HERPUD1: variants seen among roughly 807,000 people sequenced by gnomAD.
The protein encoded by HERPUD1 is homocysteine inducible ER protein with ubiquitin like domain 1.
HERPUD1 carries 17 observed loss-of-function variants against 45.0 expected under a neutral mutation model. The ratio of observed to expected loss-of-function variants is 0.38; its 90% CI spans 0.26 to 0.57. The LOEUF is 0.57. Ranked by LOEUF, HERPUD1 falls within the 20% of genes least tolerant of loss-of-function variation. The pLI is 0.72. For synonymous variants in HERPUD1, 164 were observed against 177.5 expected (o/e 0.92, Z 0.61); for missense variants, 420 against 490.5 (o/e 0.86, Z 1.36).
intron 4 of HERPUD1, among the ~76,000 whole-genome samples, chr16:56,938,774 C>A (rs1183977589): frequency 6.6e-6 from 1 of 152,102 alleles, no homozygotes; most frequent in Non-Finnish European, 1.5e-5. Flanking sequence ...GGTGATACCA[C>A]ATGCACACTT....
intron 5 of HERPUD1, 110 bp downstream of exon 5, chr16:56,939,469 A>G: frequency 7.4e-7 from 1 of 1,359,386 alleles, no homozygotes; most frequent in Non-Finnish European, 1.0e-6. Context: ...TATTTTCATC[A>G]GTCTGCAGAG....
rs2055930014 is a variant in HERPUD1, at chr16:56,943,718, C to G, written c.*428C>G. 3 of 258,590 alleles carry G rather than the reference C, an allele frequency of 1.2e-5. No individual in the cohort carries two copies. The highest frequency in any genetic ancestry group is 6.5e-5 in the African/African-American group (3 of 46,340). 16.0% of individuals were successfully genotyped at this position (258,590 alleles called of 1,614,324 possible). ...CACTAAGTGTACTACTTTATATAAT[C>G]AATGAAATTGCTAGACATGTTTTAG... On this transcript the variant is annotated 3_prime_UTR_variant, in exon 8 of 8. Transcript: ENST00000439977.
Position 56,944,334 on chromosome 16 carries a change from T to G in HERPUD1, c.*1044T>G, listed in dbSNP as rs1317618715. The G allele has an allele frequency of 6.6e-6, 1 of 152,236 alleles. No individual in the cohort carries two copies. The highest frequency in any genetic ancestry group is 2.4e-5 in the African/African-American group (1 of 41,468). The allele number at this position is 152,236 out of a possible 1,614,324, so 9.4% of individuals were successfully genotyped here. A position where few individuals can be genotyped will look rare whatever the true frequency, so the allele number is the denominator to read the frequency against. On this transcript the variant is annotated 3_prime_UTR_variant, in exon 8 of 8. Coordinates refer to ENST00000439977, the MANE Select transcript of HERPUD1 (RefSeq NM_014685.4). ...AATTTAAATTTAGTAAATTTAGTGG[T>G]TTCACCTTGGCAAATCTGCAATAGT...
At position 56,943,636 on chromosome 16, in the gene HERPUD1, T is replaced by C. The variant is rs528904226; in HGVS notation, c.*346T>C. ...CATGTGTGTTTGTACATAGAAGTCATAGATGCAGAAGTGGTTCTGCTGGTA... is the reference window on the plus strand; with the variant it reads ...CATGTGTGTTTGTACATAGAAGTCACAGATGCAGAAGTGGTTCTGCTGGTA... On this transcript the variant is annotated 3_prime_UTR_variant, in exon 8 of 8. Coordinates refer to ENST00000439977, the MANE Select transcript of HERPUD1 (RefSeq NM_014685.4). 89 of 423,620 alleles carry C rather than the reference T, an allele frequency of 2.1e-4. No homozygotes were observed. Among genetic ancestry groups the C allele is most frequent in the African/African-American group, 1.7e-3 (88 of 51,018 alleles). 26.2% of individuals were successfully genotyped at this position (423,620 alleles called of 1,614,324 possible).
chr16:56,942,899 G>T (rs564048335), intron 7 of HERPUD1, among the ~76,000 whole-genome samples: 1 of 152,210 alleles, frequency 6.6e-6, no homozygotes, highest in South Asian at 2.1e-4. Flanking sequence ...TTTGCTGCCA[G>T]GAGCAGTCAA....
Position 56,939,256 on chromosome 16 carries a change from G to C in HERPUD1, c.451G>C (p.Ala151Pro). 1 of 1,614,206 alleles carries C rather than the reference G, an allele frequency of 6.2e-7. No individual in the cohort carries two copies. Among genetic ancestry groups the C allele is most frequent in the African/African-American group, 1.3e-5 (1 of 75,080 alleles). The change falls in exon 5 of 8, where the codon GCA becomes CCA. Residue 151 changes from alanine (A) to proline (P), a missense_variant. By Grantham distance (27) the Ala-to-Pro change is conservative. Transcript: ENST00000439977. ...NISRPEAAQQ[A>P]FQGLGPGFSG... ...GTATAGGCCTGAAGCTGCCCAGCAG[G>C]CATTCCAAGGCCTGGGTCCTGGTTT...
chr16:56,936,099 A>G (rs895673968), intron 3 of HERPUD1: 2 of 153,162 alleles, frequency 1.3e-5, no homozygotes, highest in Admixed American at 6.5e-5. Flanking sequence ...TTCATTTCAC[A>G]ATGTTTATTC....
At chr16:56,932,942 C>T (rs1339379667) in intron 1 of HERPUD1, among the ~76,000 whole-genome samples, 1 of 152,208 alleles carries the variant, frequency 6.6e-6, no homozygotes, top group African/African-American at 2.4e-5. Flanking sequence ...GGTGGAGCCC[C>T]GTGCACTTTC....
chr16:56,938,521 C>T (rs1356545726), intron 4 of HERPUD1, among the ~76,000 whole-genome samples: 2 of 150,754 alleles, frequency 1.3e-5, no homozygotes, highest in African/African-American at 4.9e-5. Context: ...CGAGATTGCG[C>T]CATTGCACTC....
At chr16:56,932,984 A>G (rs1217841423) in intron 1 of HERPUD1, among the ~76,000 whole-genome samples, 1 of 152,244 alleles carries the variant, frequency 6.6e-6, no homozygotes, top group Non-Finnish European at 1.5e-5. Context: ...GGAAGCAGGC[A>G]GGAGTCGCCT....
rs376320735 is a variant in HERPUD1 at position 56,932,143 on chromosome 16, C to T, written c.-102C>T. ...AAGGCGCCCGAAGCGGGGGCGCGCG[C>T]CCCAGAGACGTGAACTGTCGTTGCA... On this transcript the variant is annotated 5_prime_UTR_variant, in exon 1 of 8. Coordinates refer to ENST00000439977, the MANE Select transcript of HERPUD1 (RefSeq NM_014685.4). The T allele has an allele frequency of 3.2e-6, 5 of 1,541,172 alleles. No individual in the cohort carries two copies. The highest frequency in any genetic ancestry group is 2.4e-5 in the South Asian group (2 of 84,618).
rs767109510 is a variant in HERPUD1, at chr16:56,940,210, C to A, written c.870C>A (p.Phe290Leu). The change falls in exon 6 of 8, where the codon TTC becomes TTA. Residue 290 changes from phenylalanine to leucine, a missense_variant. Coordinates refer to ENST00000439977, the MANE Select transcript of HERPUD1 (RefSeq NM_014685.4). The stretch of plus-strand genomic sequence containing the variant: ...ACTTCTACTCCTCCCTGAGCAGATT[C>A]CTCATGGTCATGGGGGCCACCGTTG... ...ILYFYSSLSR[F>L]LMVMGATVVM... 5.0e-6 allele frequency: 8 copies of A among 1,613,752 alleles called. No homozygotes were observed. In the South Asian group the frequency reaches 6.6e-5, roughly 13 times the overall value.
rs371596912 is a variant in HERPUD1 at position 56,936,830 on chromosome 16, A to G, written c.431+13A>G. On this transcript the variant is annotated intron_variant, in intron 4 of 7. Transcript: ENST00000439977. ...AAAACATCTCAAGGTGAGTGTTATA[A>G]TAAAGATCTTGGCTTATGCAACATG... is the stretch of plus-strand genomic sequence containing the variant. The G allele has an allele frequency of 2.0e-5, 33 of 1,613,014 alleles. No individual in the cohort carries two copies. The highest frequency in any genetic ancestry group is 2.3e-5 in the Non-Finnish European group (27 of 1,179,270).
chr16:56,939,102 C>A, intron 4 of HERPUD1, 135 bp from the exon 5 acceptor site: 1 of 918,328 alleles, frequency 1.1e-6, no homozygotes, highest in Non-Finnish European at 1.7e-6. Flanking sequence ...GTCATACAGT[C>A]ATTTACCATG....
At chr16:56,937,026 G>T in intron 4 of HERPUD1, 2 of 391,332 alleles carry the variant, frequency 5.1e-6, no homozygotes, top group South Asian at 4.7e-5. Context: ...TAAAAAGTAG[G>T]TAATGCATAT....
chr16:56,935,015 A>T (rs908431345), intron 1 of HERPUD1: 21 of 501,800 alleles, frequency 4.2e-5, no homozygotes, highest in East Asian at 3.2e-4. Flanking sequence ...CCCAGCCGAT[A>T]ATTTGCCATT....
At chr16:56,939,850 G>A (rs868850689) in intron 5 of HERPUD1, 45 bp from the exon 6 acceptor site, 2 of 1,459,482 alleles carry the variant, frequency 1.4e-6, no homozygotes, top group Middle Eastern at 1.9e-4. Context: ...AGACTTCACG[G>A]TGCTTTGGTC....
At chr16:56,940,714 C>T (rs1166102373) in intron 6 of HERPUD1, among the ~76,000 whole-genome samples, 1 of 151,958 alleles carries the variant, frequency 6.6e-6, no homozygotes, top group Non-Finnish European at 1.5e-5. Context: ...GTAATCCCAG[C>T]AGTTTGGGAG....
At position 56,936,745 on chromosome 16, in the gene HERPUD1, C is replaced by T. The variant is rs1199045085; in HGVS notation, c.359C>T (p.Ser120Phe). 6 of 1,614,008 alleles carry T rather than the reference C, an allele frequency of 3.7e-6. No homozygotes were observed. The highest frequency in any genetic ancestry group is 5.1e-6 in the Non-Finnish European group (6 of 1,179,950). ...GSNRGQYPED[S>F]SSDGLRQREV... ...AATCGGGGACAGTATCCTGAGGATT[C>T]CTCAAGTGATGGTTTAAGGCAAAGG... Residue 120 changes from serine (S) to phenylalanine (F), a missense_variant, in exon 4 of 8, where the codon TCC (serine) becomes TTC (phenylalanine). Transcript: ENST00000439977.
Sources: gnomAD v4.1 joint callset for allele counts (sites outside exome capture counted in the v4.1 genomes callset) on GRCh38, gnomAD v4.1.1 for gene constraint, MANE v1.5 for transcripts, NCBI Gene and HGNC (gene_info 2026-07-23, HGNC 2026-07-21) for gene names.